VWF: variants seen among roughly 807,000 people sequenced by gnomAD.
VWF encodes Factor VIII related antigen.
A neutral mutation model predicts 308.6 loss-of-function variants in VWF; 176 were observed. The observed-to-expected ratio is 0.57, with a 90% confidence interval of 0.50 to 0.65. The LOEUF (loss-of-function observed/expected upper bound fraction) is 0.65. Ranked by LOEUF, VWF falls within the 30% of genes least tolerant of loss-of-function variation. The pLI is 0.00. For synonymous variants in VWF, 1,385 were observed against 1,443.4 expected, an observed-to-expected ratio of 0.96 and a Z score of 0.92; for missense variants, 3,146 against 3,648.2, an observed-to-expected ratio of 0.86 and a Z score of 3.55.
Position 6,070,985 on chromosome 12 carries a change from A to G in VWF, c.1156+312T>C, listed in dbSNP as rs532151100. Among the ~76,000 whole-genome samples, 5 of 152,362 alleles carry G rather than the reference A, an allele frequency of 3.3e-5. No individual in the cohort carries two copies. The East Asian group carries it at 9.6e-4, about 29-fold the overall frequency. ...GTGTATCCTCTTTGTTTAGTCAATC[A>G]TGACCATACAGGCCTTACAGCTCAT... On this transcript the variant is annotated intron_variant, in intron 10 of 51. Transcript: ENST00000261405.
chr12:6,098,567 G>A (rs7980758), intron 5 of VWF, among the ~76,000 whole-genome samples: 13,765 of 151,318 alleles, frequency 0.091, 1,258 homozygotes, highest in African/African-American at 0.24. Context: ...TCACGAGGTC[G>A]GGAGATCGAG....
chr12:6,058,060 G>C lies in VWF; in HGVS notation c.1534-16C>G, dbSNP rs752091401. 5 of 1,612,682 alleles carry C rather than the reference G, an allele frequency of 3.1e-6. No homozygotes were observed. The highest frequency in any genetic ancestry group is 3.3e-5 in the Admixed American group (2 of 60,010). ...CGGGGGACAGCTGCAGGAGAGACCA[G>C]GCCACTCTGGAGCCGCTGCCGCGAA... On this transcript the variant is annotated splice_polypyrimidine_tract_variant and intron_variant, in intron 13 of 51. Coordinates refer to ENST00000261405, the MANE Select transcript of VWF (RefSeq NM_000552.5). The surrounding 1 kb of genome is among the most constrained non-coding windows in gnomAD (Gnocchi z 4.9).
chr12:5,981,728 C>T (rs1018787983), intron 42 of VWF, 58 bp downstream of exon 42: 3 of 1,568,772 alleles, frequency 1.9e-6, no homozygotes, highest in South Asian at 2.2e-5. Context: ...GATAAACTGA[C>T]AGCAATAAAT....
At chr12:5,976,864 A>G (rs1207395563) in intron 42 of VWF, among the ~76,000 whole-genome samples, 1 of 152,198 alleles carries the variant, frequency 6.6e-6, no homozygotes, top group Non-Finnish European at 1.5e-5. Context: ...GGAAACGTGG[A>G]AAGTCTGGGA....
intron 47 of VWF, among the ~76,000 whole-genome samples, chr12:5,957,995 T>A (rs1392954901): frequency 1.3e-5 from 2 of 152,074 alleles, no homozygotes; most frequent in East Asian, 3.8e-4. Flanking sequence ...ACGTTGTACA[T>A]GAAATGTTAT....
intron 34 of VWF, among the ~76,000 whole-genome samples, chr12:6,003,247 T>A (rs1429003503): frequency 1.3e-5 from 2 of 152,194 alleles, no homozygotes; most frequent in Non-Finnish European, 2.9e-5. Flanking sequence ...TTTAAGAGGC[T>A]AATGCATTAA....
chr12:5,975,230 G>A lies in VWF; in HGVS notation c.7437+881C>T, dbSNP rs536191042. 1.4e-4 allele frequency among the ~76,000 whole-genome samples: 21 copies of A among 152,336 alleles called. 1 individual carries two copies. In the South Asian group the frequency reaches 3.9e-3, roughly 29 times the overall value. On this transcript the variant is annotated intron_variant, in intron 43 of 51. Transcript: ENST00000261405. ...CCTCCTCCGTCAAACCATTCACCTC[G>A]AAAACACCTTCAGGAACTCTGCCTT...
chr12:5,999,704 T>C (rs186180500), intron 34 of VWF, among the ~76,000 whole-genome samples: 69 of 152,142 alleles, frequency 4.5e-4, no homozygotes, highest in African/African-American at 1.5e-3. Flanking sequence ...TGTTATGACA[T>C]AGAAGAAAAC....
At chr12:6,107,472 A>G (rs1450645111) in intron 5 of VWF, among the ~76,000 whole-genome samples, 1 of 152,226 alleles carries the variant, frequency 6.6e-6, no homozygotes, top group Non-Finnish European at 1.5e-5. Flanking sequence ...TGGTGCTTCC[A>G]TGACACACAT....
chr12:6,030,213 C>A (rs1257731607), intron 21 of VWF, among the ~76,000 whole-genome samples: 8 of 152,178 alleles, frequency 5.3e-5, no homozygotes, highest in Admixed American at 2.0e-4. Context: ...CAGTGCAGAG[C>A]TAATCACATG....
intron 10 of VWF, 92 bp from the exon 11 acceptor site, chr12:6,065,365 C>G: frequency 1.3e-6 from 2 of 1,541,946 alleles, no homozygotes; most frequent in Non-Finnish European, 1.8e-6. Context: ...GCAGGGTGCC[C>G]TTCCCCAAAA....
At chr12:6,080,837 G>A (rs1374092272) in intron 6 of VWF, among the ~76,000 whole-genome samples, 2 of 152,174 alleles carry the variant, frequency 1.3e-5, no homozygotes, top group East Asian at 1.9e-4. Flanking sequence ...TCCTGCCTGC[G>A]CGAAGTTCTC....
chr12:6,015,456 G>A (rs1453232511), intron 31 of VWF, among the ~76,000 whole-genome samples: 1 of 151,794 alleles, frequency 6.6e-6, no homozygotes, highest in Admixed American at 6.6e-5. Context: ...CAGTTCTCCA[G>A]GTGGCCACGA....
intron 10 of VWF, among the ~76,000 whole-genome samples, chr12:6,069,842 G>A (rs1254663089): frequency 6.6e-6 from 1 of 152,204 alleles, no homozygotes; most frequent in African/African-American, 2.4e-5. Flanking sequence ...GGACTGTATT[G>A]TCTGCCCCAG....
In VWF at chr12:5,982,117, G is replaced by A. The variant is rs1943613220; in HGVS notation, c.7082-126C>T. The A allele has an allele frequency of 4.8e-6, 4 of 839,300 alleles. No individual in the cohort carries two copies. In the Admixed American group the frequency reaches 6.3e-5, roughly 13 times the overall value. The allele number at this position is 839,300 out of a possible 1,614,324, so 52.0% of individuals were successfully genotyped here. On this transcript the variant is annotated intron_variant, in intron 41 of 51. Coordinates refer to ENST00000261405, the MANE Select transcript of VWF (RefSeq NM_000552.5). The stretch of plus-strand genomic sequence containing the variant: ...TAAGTCAGAAATGTGTGAGGGCCAA[G>A]CTCACGGGCTGGGAGTTATTCAATG...
At chr12:6,064,408 A>T (rs746322353) in intron 11 of VWF, 24 bp from the exon 12 acceptor site, 12 of 1,613,562 alleles carry the variant, frequency 7.4e-6, no homozygotes, top group Non-Finnish European at 1.0e-5. Context: ...ACACAGGGTG[A>T]CTTTGCTGCA....
chr12:6,098,400 AT>A (rs758551450), intron 5 of VWF, among the ~76,000 whole-genome samples: 1 of 152,214 alleles, frequency 6.6e-6, no homozygotes, highest in Non-Finnish European at 1.5e-5. Context: ...AACATGACAG[AT>A]TAGAAAACAC....
chr12:6,048,010 A>G (rs777319922), intron 16 of VWF, among the ~76,000 whole-genome samples: 5 of 152,266 alleles, frequency 3.3e-5, no homozygotes, highest in Non-Finnish European at 7.3e-5. Flanking sequence ...GTACTCTCCT[A>G]GATGACTCAA....
Position 6,063,664 on chromosome 12 carries a change from GAGA to G in VWF, c.1432+579_1432+581del, listed in dbSNP as rs1944681599. 6.6e-6 allele frequency among the ~76,000 whole-genome samples: 1 copy of G among 152,190 alleles called. No individual in the cohort carries two copies. Among genetic ancestry groups the G allele is most frequent in the African/African-American group, 2.4e-5 (1 of 41,442 alleles). On this transcript the variant is annotated intron_variant, in intron 12 of 51. Transcript: ENST00000261405. The surrounding 1 kb of genome is among the most constrained non-coding windows in gnomAD (Gnocchi z 4.9). The stretch of plus-strand genomic sequence containing the variant: ...GGCGACAAAGTGGCCAGCAGTTGTG[GAGA>G]AGAAGGAAGAGTCTGAGAGCCACTT...
Sources: gnomAD v4.1 joint callset for allele counts (sites outside exome capture counted in the v4.1 genomes callset) on GRCh38, gnomAD v4.1.1 for gene constraint, Gnocchi (gnomAD v3.1) non-coding constraint, MANE v1.5 for transcripts, NCBI Gene and HGNC (gene_info 2026-07-23, HGNC 2026-07-21) for gene names.